SERPINE2: variants seen among roughly 807,000 people sequenced by gnomAD.
SERPINE2 encodes the protein serpin family E member 2, also known as glia-derived nexin.
SERPINE2 carries 14 observed loss-of-function variants against 36.3 expected under a neutral mutation model. The ratio of observed to expected loss-of-function variants is 0.39; its 90% CI spans 0.25 to 0.60. SERPINE2 has a LOEUF of 0.60. Among genes scored for constraint, SERPINE2 ranks in the 20% least tolerant of loss-of-function variants. The pLI, the probability that SERPINE2 is intolerant of heterozygous loss-of-function variation, is 0.57. For missense variants in SERPINE2, 418 were observed against 499.6 expected, an observed-to-expected ratio of 0.84 and a Z score of 1.56; for synonymous variants, 192 against 191.8, an observed-to-expected ratio of 1.00 and a Z score of -0.01.
chr2:224,023,662 CAA>C (rs956313348), intron 1 of SERPINE2, among the ~76,000 whole-genome samples: 2 of 152,174 alleles, frequency 1.3e-5, no homozygotes, highest in Non-Finnish European at 2.9e-5. Context: ...ACCCTCCCTC[CAA>C]ATATATCAAA....
At chr2:224,026,551 G>A (rs944952764) in intron 1 of SERPINE2, among the ~76,000 whole-genome samples, 5 of 151,864 alleles carry the variant, frequency 3.3e-5, no homozygotes, top group South Asian at 2.1e-4. Context: ...GTTTTTTTGC[G>A]AACTCTTAAT....
intron 3 of SERPINE2, among the ~76,000 whole-genome samples, chr2:223,995,495 T>A (rs1264968369): frequency 6.6e-6 from 1 of 152,228 alleles, no homozygotes; most frequent in African/African-American, 2.4e-5. Context: ...GTGCTGCTTC[T>A]CCCGTGGCTT....
At chr2:224,024,465 T>C (rs1260107730) in intron 1 of SERPINE2, among the ~76,000 whole-genome samples, 1 of 152,176 alleles carries the variant, frequency 6.6e-6, no homozygotes, top group Non-Finnish European at 1.5e-5. Flanking sequence ...TGCTAATGCC[T>C]TGTGAAGGGA....
At chr2:224,033,154 G>A (rs1005927151) in intron 1 of SERPINE2, among the ~76,000 whole-genome samples, 3 of 152,156 alleles carry the variant, frequency 2.0e-5, no homozygotes, top group Admixed American at 6.5e-5. Context: ...CAGATTAGGC[G>A]TGCAATCTAC....
chr2:223,996,793 A>G (rs1434230290), intron 3 of SERPINE2, among the ~76,000 whole-genome samples: 2 of 152,186 alleles, frequency 1.3e-5, no homozygotes, highest in Non-Finnish European at 2.9e-5. Context: ...AAAAGGCTCT[A>G]TAGCCAGGCA....
Position 224,001,844 on chromosome 2 carries a change from G to A in SERPINE2, c.57C>T (p.Cys19=). ...LLASVTLPSI[C]SHFNPLSLEE... is the part of the protein sequence containing the mutation. ...CGAGAGACAGAGGATTGAAGTGGGAGCAGATGGAAGGCAGCGTCACAGAGG... is the reference window on the plus strand; with the variant it reads ...CGAGAGACAGAGGATTGAAGTGGGAACAGATGGAAGGCAGCGTCACAGAGG... The change falls in exon 2 of 9, where the codon TGC becomes TGT. Residue 19 remains cysteine, a synonymous_variant. Coordinates refer to ENST00000409304, the MANE Select transcript of SERPINE2 (RefSeq NM_001136528.2). 1 of 1,614,136 alleles carries A rather than the reference G, an allele frequency of 6.2e-7. No individual in the cohort carries two copies. The highest frequency in any genetic ancestry group is 8.5e-7 in the Non-Finnish European group (1 of 1,180,022).
chr2:223,983,230 G>A lies in SERPINE2; in HGVS notation c.885-449C>T, dbSNP rs116807025. On this transcript the variant is annotated intron_variant, in intron 5 of 8. Transcript: ENST00000409304. The stretch of plus-strand genomic sequence containing the variant: ...TGGGATTGGAGATGGTCAAAAGAGA[G>A]GAGAAACATTCCTGATAGTTCATTT... Among the ~76,000 whole-genome samples, 513 of 152,312 alleles carry A rather than the reference G, an allele frequency of 3.4e-3. 7 individuals carry two copies. Among genetic ancestry groups the A allele is most frequent in the African/African-American group, 0.012 (504 of 41,578 alleles).
At chr2:224,028,015 G>A (rs1273476108) in intron 1 of SERPINE2, among the ~76,000 whole-genome samples, 3 of 152,190 alleles carry the variant, frequency 2.0e-5, no homozygotes, top group African/African-American at 4.8e-5. Context: ...CGACACAATA[G>A]AGAAAAAGAG....
At chr2:224,021,923 G>C (rs1036829746) in intron 1 of SERPINE2, among the ~76,000 whole-genome samples, 1 of 152,136 alleles carries the variant, frequency 6.6e-6, no homozygotes, top group Non-Finnish European at 1.5e-5. Context: ...ACTTTGGGAG[G>C]CCGAGGCGGG....
At chr2:224,011,574 A>G (rs1304831866) in intron 1 of SERPINE2, among the ~76,000 whole-genome samples, 1 of 152,242 alleles carries the variant, frequency 6.6e-6, no homozygotes, top group East Asian at 1.9e-4. Context: ...TGGGCCTCCA[A>G]TTCAGAGACG....
chr2:224,002,341 A>C (rs1691212057), intron 1 of SERPINE2, among the ~76,000 whole-genome samples: 1 of 152,114 alleles, frequency 6.6e-6, no homozygotes, highest in Admixed American at 6.6e-5. Flanking sequence ...ATGCCATGTG[A>C]ATATATTTAA....
chr2:223,994,767 A>T (rs1454837113), intron 3 of SERPINE2, among the ~76,000 whole-genome samples: 1 of 152,196 alleles, frequency 6.6e-6, no homozygotes, highest in Non-Finnish European at 1.5e-5. Flanking sequence ...CTGGTTGAAC[A>T]TTTACTAAGT....
chr2:224,017,540 T>C (rs1691839989), intron 1 of SERPINE2, among the ~76,000 whole-genome samples: 1 of 152,206 alleles, frequency 6.6e-6, no homozygotes. Context: ...ATTCTTATTC[T>C]ATAAGAAATT....
rs147606520 is a variant in SERPINE2, at chr2:224,029,963, C to T, written c.-23+9136G>A. The T allele has an allele frequency of 7.3e-4, 558 of 764,056 alleles. 3 individuals carry two copies. In the African/African-American group the frequency reaches 9.6e-3, roughly 13 times the overall value. The allele number at this position is 764,056 out of a possible 1,614,324, so 47.3% of individuals were successfully genotyped here. ...CTGCCCACCTCAGCCTCCCAAACTG[C>T]TGGGATTACAGGCGTGAGCCAGCAT... On this transcript the variant is annotated intron_variant, in intron 1 of 8. Transcript: ENST00000409304.
chr2:224,013,006 T>A (rs912915552), intron 1 of SERPINE2, among the ~76,000 whole-genome samples: 7 of 151,994 alleles, frequency 4.6e-5, no homozygotes, highest in Non-Finnish European at 1.0e-4. Flanking sequence ...TCATGTTGAG[T>A]TTTTTCAGTA....
At chr2:224,002,667 T>C (rs1379054393) in intron 1 of SERPINE2, among the ~76,000 whole-genome samples, 2 of 149,580 alleles carry the variant, frequency 1.3e-5, no homozygotes, top group African/African-American at 4.9e-5. Flanking sequence ...AATTTTTTTT[T>C]TTTTTTTTTT....
intron 1 of SERPINE2, among the ~76,000 whole-genome samples, chr2:224,014,104 G>A (rs1277119346): frequency 6.6e-6 from 1 of 152,220 alleles, no homozygotes; most frequent in Non-Finnish European, 1.5e-5. Flanking sequence ...GCCATGCGAG[G>A]TGGCTCATGC....
At chr2:224,010,316 A>AG (rs1353462166) in intron 1 of SERPINE2, 1 of 983,898 alleles carries the variant, frequency 1.0e-6, no homozygotes, top group Non-Finnish European at 1.2e-6. Flanking sequence ...TTGGCCAAAA[A>AG]GGAACCTAAA....
intron 1 of SERPINE2, chr2:224,031,558 A>G: frequency 1.3e-5 from 12 of 949,348 alleles, no homozygotes; most frequent in Non-Finnish European, 1.3e-5. Flanking sequence ...AGGGCATGTG[A>G]CCACGTGACC....
Sources: gnomAD v4.1 joint callset for allele counts (sites outside exome capture counted in the v4.1 genomes callset) on GRCh38, gnomAD v4.1.1 for gene constraint, MANE v1.5 for transcripts, NCBI Gene and HGNC (gene_info 2026-07-23, HGNC 2026-07-21) for gene names.